SFI1: variants seen among roughly 807,000 people sequenced by gnomAD.
SFI1 encodes protein SFI1 homolog.
In SFI1, 195 loss-of-function variants were observed where a neutral mutation model predicts 207.5. That is an observed-to-expected ratio of 0.94 (90% confidence interval 0.84 to 1.06). SFI1 has a LOEUF of 1.06. Among genes scored for constraint, SFI1 ranks in the 50% least tolerant of loss-of-function variants. The pLI is 0.00. For synonymous variants in SFI1, 630 were observed against 598.9 expected (o/e 1.05, Z -0.76); for missense variants, 1,634 against 1,588.0 (o/e 1.03, Z -0.49).
At chr22:31,513,663 C>T (rs567172111) in intron 2 of SFI1, among the ~76,000 whole-genome samples, 4 of 151,814 alleles carry the variant, frequency 2.6e-5, no homozygotes, top group Non-Finnish European at 4.4e-5. Flanking sequence ...CTGCAACCTC[C>T]GTCTCCTGGG....
At chr22:31,591,068 A>G (rs988628475) in intron 15 of SFI1, among the ~76,000 whole-genome samples, 2 of 151,596 alleles carry the variant, frequency 1.3e-5, no homozygotes, top group Admixed American at 6.6e-5. Context: ...CAGCAGACAA[A>G]CAAGTGAACA....
rs1303162973 is a variant in SFI1, at chr22:31,543,221, T to C, written c.339-3640T>C. On this transcript the variant is annotated intron_variant, in intron 4 of 32. Transcript: ENST00000400288. Reference sequence around the variant, plus strand: ...TCCTGACCTCATGATCCACCCGCCTTGGCCTCCCAAAGTGCTGGGATTACA... The same window carrying C: ...TCCTGACCTCATGATCCACCCGCCTCGGCCTCCCAAAGTGCTGGGATTACA... Among the ~76,000 whole-genome samples the C allele has an allele frequency of 3.3e-5, 5 of 152,020 alleles. No individual in the cohort carries two copies. In the South Asian group the frequency reaches 8.3e-4, roughly 25 times the overall value.
intron 4 of SFI1, among the ~76,000 whole-genome samples, chr22:31,543,809 CAAAA>C (rs59076091): frequency 5.3e-5 from 3 of 56,634 alleles, no homozygotes; most frequent in Non-Finnish European, 3.8e-5. Flanking sequence ...GACTCCATCT[CAAAA>C]AAAAAAAAAA....
intron 1 of SFI1, among the ~76,000 whole-genome samples, chr22:31,499,766 A>G (rs887860924): frequency 6.6e-6 from 1 of 151,610 alleles, no homozygotes; most frequent in African/African-American, 2.4e-5. Context: ...AGGCGGGCGG[A>G]TTACCTGAGG....
intron 3 of SFI1, among the ~76,000 whole-genome samples, chr22:31,530,177 A>G (rs1348291233): frequency 9.0e-6 from 1 of 110,776 alleles, no homozygotes; most frequent in African/African-American, 3.7e-5. Context: ...ATCTCAAAAA[A>G]AAAAAAAAAA....
intron 3 of SFI1, chr22:31,530,847 A>G: frequency 3.6e-6 from 2 of 558,274 alleles, no homozygotes; most frequent in Admixed American, 6.4e-5. Context: ...TGTTGAAAAT[A>G]TTTTTTAAAA....
intron 1 of SFI1, among the ~76,000 whole-genome samples, chr22:31,506,103 G>T (rs2054592720): frequency 1.1e-5 from 1 of 94,220 alleles, no homozygotes; most frequent in African/African-American, 4.2e-5. Context: ...AGGCTGCAGT[G>T]CAGTGGTGTG....
chr22:31,567,730 G>T (rs1202654679), intron 8 of SFI1, among the ~76,000 whole-genome samples: 1 of 152,068 alleles, frequency 6.6e-6, no homozygotes, highest in Non-Finnish European at 1.5e-5. Context: ...TTTTAACTTT[G>T]GAACTATGCA....
chr22:31,591,193 C>T (rs2065848039), intron 15 of SFI1, among the ~76,000 whole-genome samples: 1 of 152,164 alleles, frequency 6.6e-6, no homozygotes, highest in Admixed American at 6.5e-5. Flanking sequence ...TGCCTTCAAG[C>T]ATCTGTTTAA....
At chr22:31,500,871 C>T (rs1198456617) in intron 1 of SFI1, among the ~76,000 whole-genome samples, 4 of 151,370 alleles carry the variant, frequency 2.6e-5, no homozygotes, top group Non-Finnish European at 4.4e-5. Context: ...GTGATCTCGG[C>T]TTGCTACAAC....
intron 1 of SFI1, among the ~76,000 whole-genome samples, chr22:31,504,220 GAC>G (rs897213241): frequency 1.3e-5 from 2 of 152,172 alleles, no homozygotes; most frequent in Non-Finnish European, 2.9e-5. Flanking sequence ...CCAAGGCGGT[GAC>G]ACATTGATTA....
chr22:31,519,272 C>CT (rs1569197995), intron 2 of SFI1, among the ~76,000 whole-genome samples: 1 of 150,054 alleles, frequency 6.7e-6, no homozygotes, highest in Non-Finnish European at 1.5e-5. Flanking sequence ...TTTTATTTTC[C>CT]ATTTTTTTTT....
intron 4 of SFI1, among the ~76,000 whole-genome samples, chr22:31,533,982 A>G (rs181683762): frequency 2.6e-4 from 40 of 152,332 alleles, no homozygotes; most frequent in Non-Finnish European, 4.6e-4. Context: ...GTATATTTGT[A>G]ACTTACCAGA....
intron 1 of SFI1, among the ~76,000 whole-genome samples, chr22:31,504,550 T>A (rs532709664): frequency 1.3e-5 from 2 of 152,202 alleles, no homozygotes; most frequent in African/African-American, 4.8e-5. Context: ...TAAATCTTAC[T>A]CTTCTGTCTT....
chr22:31,498,529 T>G lies in SFI1; in HGVS notation c.-31+1892T>G, dbSNP rs182088146. Among the ~76,000 whole-genome samples the G allele has an allele frequency of 9.7e-3, 1,474 of 151,412 alleles. 7 individuals carry two copies. Among genetic ancestry groups the G allele is most frequent in the Middle Eastern group, 0.031 (9 of 294 alleles). Reference sequence around the variant, plus strand: ...AGCTGGGTGTGGTGGTGGGCGCCTGTAATCCCAGTTACTCAGGAGGCTGAG... The same window carrying G: ...AGCTGGGTGTGGTGGTGGGCGCCTGGAATCCCAGTTACTCAGGAGGCTGAG... On this transcript the variant is annotated intron_variant, in intron 1 of 32. Coordinates refer to ENST00000400288, the MANE Select transcript of SFI1 (RefSeq NM_001007467.3).
At chr22:31,566,574 C>T (rs1053367695) in intron 8 of SFI1, among the ~76,000 whole-genome samples, 1 of 152,198 alleles carries the variant, frequency 6.6e-6, no homozygotes, top group Non-Finnish European at 1.5e-5. Flanking sequence ...CACCTATTAG[C>T]TTTGTGCCTT....
At chr22:31,554,401 C>T (rs939050809) in intron 6 of SFI1, among the ~76,000 whole-genome samples, 1 of 151,898 alleles carries the variant, frequency 6.6e-6, no homozygotes, top group African/African-American at 2.4e-5. Context: ...CTCCACCTCC[C>T]GGATTCACGC....
intron 15 of SFI1, among the ~76,000 whole-genome samples, chr22:31,593,151 T>C (rs1485388481): frequency 0.047 from 5,798 of 123,990 alleles, 101 homozygotes; most frequent in Non-Finnish European, 0.054. Context: ...CCCCACCTCC[T>C]TCCCGGACGG....
chr22:31,595,532 TTTC>T (rs1163573083), intron 15 of SFI1, among the ~76,000 whole-genome samples: 3 of 152,214 alleles, frequency 2.0e-5, no homozygotes, highest in Non-Finnish European at 4.4e-5. Flanking sequence ...GTCCAGGTGC[TTTC>T]TTCTTGATCA....
Sources: allele counts gnomAD v4.1 joint callset (sites outside exome capture counted in the v4.1 genomes callset), GRCh38; gene constraint gnomAD v4.1.1; transcripts MANE v1.5; gene names NCBI Gene and HGNC (gene_info 2026-07-23, HGNC 2026-07-21).